LGSN: variants seen among roughly 807,000 people sequenced by gnomAD.
LGSN encodes the protein lengsin.
A neutral mutation model predicts 19.5 loss-of-function variants in LGSN; 21 were observed. That is an observed-to-expected ratio of 1.07 (90% CI 0.76 to 1.55). The LOEUF (loss-of-function observed/expected upper bound fraction) is 1.55, where lower values mean the gene tolerates loss of function less well. Ranked by LOEUF, LGSN falls within the 40% of genes most tolerant of loss-of-function variation. The pLI, the probability that LGSN is intolerant of heterozygous loss-of-function variation, is 0.00. For missense variants in LGSN, 673 were observed against 608.5 expected (o/e 1.11, Z -1.12); for synonymous variants, 257 against 215.6 (o/e 1.19, Z -1.68).
chr6:63,551,281 G>T, the LGSN span, among the ~76,000 whole-genome samples: 2 of 152,078 alleles, frequency 1.3e-5, no homozygotes, highest in Non-Finnish European at 2.9e-5. Context: ...GGCCAGGCTG[G>T]TCTCGAATTC....
the LGSN span, among the ~76,000 whole-genome samples, chr6:63,357,679 G>T: frequency 1.3e-5 from 2 of 152,152 alleles, no homozygotes; most frequent in East Asian, 3.9e-4. Context: ...TGATGGGGTT[G>T]TTTGTTTTTT....
At chr6:63,525,471 CT>C in the LGSN span, among the ~76,000 whole-genome samples, 9 of 152,212 alleles carry the variant, frequency 5.9e-5, no homozygotes, top group Non-Finnish European at 4.4e-5. Flanking sequence ...GCAGTTCTAG[CT>C]TTTTCTAGTA....
rs1393686567 is a variant in LGSN, at chr6:63,315,614, CTCTCTGTGTG to C, written c.30+4290_30+4299del. Among the ~76,000 whole-genome samples the C allele has an allele frequency of 1.9e-4, 21 of 113,176 alleles. 1 individual carries two copies. Among genetic ancestry groups the C allele is most frequent in the Admixed American group, 9.3e-4 (10 of 10,770 alleles). The allele number at this position is 113,176 out of a possible 152,430, so 74.2% of individuals were successfully genotyped here. ...AATAGCTAAAATGTTCTCTCTCTCT[CTCTCTGTGTG>C]TGTGTGTGTGTGTGTGTGTGTGTGT... On this transcript the variant is annotated intron_variant, in intron 1 of 3. Transcript: ENST00000370657.
the LGSN span, among the ~76,000 whole-genome samples, chr6:63,560,354 A>AAAAAAAAG: frequency 6.7e-6 from 1 of 149,726 alleles, no homozygotes; most frequent in African/African-American, 2.5e-5. Context: ...AAAAAAAAAA[A>AAAAAAAAG]AAAGAAAGAA....
chr6:63,331,301 CT>C, the LGSN span, among the ~76,000 whole-genome samples: 1 of 152,152 alleles, frequency 6.6e-6, no homozygotes, highest in Non-Finnish European at 1.5e-5. Flanking sequence ...CTCCATTTGC[CT>C]TCCCTCTTAC....
the LGSN span, among the ~76,000 whole-genome samples, chr6:63,467,210 T>A: frequency 1.3e-5 from 2 of 152,106 alleles, no homozygotes; most frequent in Non-Finnish European, 2.9e-5. Context: ...TTGTAATCTG[T>A]TTCTTCCCTA....
chr6:63,323,634 T>A (rs1769148806), upstream of LGSN, among the ~76,000 whole-genome samples: 1 of 151,284 alleles, frequency 6.6e-6, no homozygotes, highest in African/African-American at 2.4e-5. Flanking sequence ...TTAGCATATT[T>A]AAAAATATAA....
chr6:63,505,564 AAAAAGAAAG>A, the LGSN span, among the ~76,000 whole-genome samples: 2 of 95,192 alleles, frequency 2.1e-5, 1 homozygote, highest in African/African-American at 8.0e-5. Context: ...AAAAAAAAAA[AAAAAGAAAG>A]AAAGAAAGAA....
chr6:63,384,500 T>C, the LGSN span, among the ~76,000 whole-genome samples: 2 of 144,616 alleles, frequency 1.4e-5, no homozygotes, highest in Non-Finnish European at 1.5e-5. Flanking sequence ...TGTGTGTGTG[T>C]GTGTGTGTGT....
At chr6:63,486,409 C>A in the LGSN span, among the ~76,000 whole-genome samples, 1 of 152,134 alleles carries the variant, frequency 6.6e-6, no homozygotes, top group Non-Finnish European at 1.5e-5. Context: ...GTTTGCCAAA[C>A]TTCCACAGAT....
chr6:63,436,407 T>C, the LGSN span, among the ~76,000 whole-genome samples: 1 of 152,186 alleles, frequency 6.6e-6, no homozygotes, highest in Non-Finnish European at 1.5e-5. Flanking sequence ...GGCCAAAATG[T>C]TTCTTTTCTA....
chr6:63,500,658 T>C, the LGSN span, among the ~76,000 whole-genome samples: 8 of 152,056 alleles, frequency 5.3e-5, no homozygotes, highest in Non-Finnish European at 1.0e-4. Flanking sequence ...CGACCTCAGG[T>C]GATCCACCCG....
chr6:63,549,406 C>T, the LGSN span: 21 of 752,050 alleles, frequency 2.8e-5, no homozygotes, highest in Non-Finnish European at 4.6e-5. Flanking sequence ...ATTCTTAGGC[C>T]GTTTCTCAAA....
Position 63,285,603 on chromosome 6 carries a change from G to A in LGSN, c.314C>T (p.Pro105Leu). The change falls in exon 3 of 4, where the codon CCT (proline) becomes CTT (leucine). Residue 105 changes from proline to leucine, a missense_variant. Pro to Leu is a moderately conservative substitution (Grantham distance 98). Coordinates refer to ENST00000370657, the MANE Select transcript of LGSN (RefSeq NM_016571.3). ...LHGVSRSKTI[P>L]AHFFQEKVSH... ...AAAACTCACTTGAAAAAAGTGTGCA[G>A]GGATAGTCTTAGACCTGGACACGCC... 6.2e-7 allele frequency: 1 copy of A among 1,613,844 alleles called. No homozygotes were observed. Among genetic ancestry groups the A allele is most frequent in the Non-Finnish European group, 8.5e-7 (1 of 1,179,808 alleles).
At chr6:63,381,510 A>G in the LGSN span, among the ~76,000 whole-genome samples, 1 of 152,254 alleles carries the variant, frequency 6.6e-6, no homozygotes, top group Non-Finnish European at 1.5e-5. Context: ...TATGAAAAGT[A>G]ATATCAAACA....
At chr6:63,483,523 G>A in the LGSN span, among the ~76,000 whole-genome samples, 14 of 151,962 alleles carry the variant, frequency 9.2e-5, no homozygotes, top group African/African-American at 3.1e-4. Context: ...GCACCACCAC[G>A]CCCGGCTAAT....
the LGSN span, among the ~76,000 whole-genome samples, chr6:63,533,514 A>G: frequency 2.0e-5 from 3 of 152,226 alleles, no homozygotes; most frequent in Non-Finnish European, 4.4e-5. Context: ...GGAGATTCAC[A>G]GTGAGTTTGC....
chr6:63,476,748 A>G, the LGSN span, among the ~76,000 whole-genome samples: 1 of 152,240 alleles, frequency 6.6e-6, no homozygotes, highest in African/African-American at 2.4e-5. Flanking sequence ...CCAGCCTTGG[A>G]AGTCACTCAG....
chr6:63,449,280 C>G, the LGSN span, among the ~76,000 whole-genome samples: 1 of 152,092 alleles, frequency 6.6e-6, no homozygotes, highest in Non-Finnish European at 1.5e-5. Context: ...AAAAGACAGG[C>G]TGGGCGCGGT....
Sources: gnomAD v4.1 joint callset for allele counts (sites outside exome capture counted in the v4.1 genomes callset) on GRCh38, gnomAD v4.1.1 for gene constraint, MANE v1.5 for transcripts, NCBI Gene and HGNC (gene_info 2026-07-23, HGNC 2026-07-21) for gene names.